TP53BP1: variants seen among roughly 807,000 people sequenced by gnomAD.
The protein encoded by TP53BP1 is tumor protein p53 binding protein 1, also known as TP53-binding protein 1.
Under a neutral mutation model 200.8 loss-of-function variants are expected in TP53BP1, and 61 were observed. That is an observed-to-expected ratio of 0.30 (90% CI 0.25 to 0.38). TP53BP1 has a LOEUF of 0.38. Among genes scored for constraint, TP53BP1 ranks in the 10% least tolerant of loss-of-function variants. The pLI is 1.00. For missense variants in TP53BP1, 2,144 were observed against 2,371.9 expected (o/e 0.90, Z 2.00); for synonymous variants, 822 against 844.3 (o/e 0.97, Z 0.46).
chr15:43,471,817 C>A (rs1282991263), intron 10 of TP53BP1, among the ~76,000 whole-genome samples: 1 of 152,146 alleles, frequency 6.6e-6, no homozygotes, highest in Non-Finnish European at 1.5e-5. Context: ...TAAGAATTAA[C>A]CAAACTTCAC....
At chr15:43,491,890 C>T in intron 3 of TP53BP1, 112 bp downstream of exon 3, 1 of 1,078,890 alleles carries the variant, frequency 9.3e-7, no homozygotes, top group Non-Finnish European at 1.4e-6. Context: ...GCAGATACCA[C>T]AGTAGGCTTC....
intron 16 of TP53BP1, among the ~76,000 whole-genome samples, chr15:43,433,380 C>T (rs1314114488): frequency 1.3e-5 from 2 of 152,148 alleles, no homozygotes; most frequent in Admixed American, 1.3e-4. Flanking sequence ...CTCCTACAAA[C>T]CACATACCAC....
chr15:43,408,771 C>G (rs1226464710), intron 26 of TP53BP1, 126 bp downstream of exon 26: 14 of 906,428 alleles, frequency 1.5e-5, no homozygotes, highest in Non-Finnish European at 2.2e-5. Context: ...CATTTCAAAC[C>G]CACTCAAATT....
rs35628556 is a variant in TP53BP1 at position 43,441,237 on chromosome 15, G to A, written c.3098+289C>T. ...CAATTGGATCAACAATCCTGAGATT[G>A]TGGAGACTCTTGTATCAGCAACAGA... On this transcript the variant is annotated intron_variant, in intron 15 of 27. Coordinates refer to ENST00000382044, the MANE Select transcript of TP53BP1 (RefSeq NM_001141980.3). 1,068 of 277,922 alleles carry A rather than the reference G, an allele frequency of 3.8e-3. 6 individuals are homozygous for A. Among genetic ancestry groups the A allele is most frequent in the Non-Finnish European group, 4.5e-3 (674 of 148,822 alleles). 17.2% of individuals were successfully genotyped at this position (277,922 alleles called of 1,614,324 possible).
At chr15:43,490,892 G>A (rs193182626) in intron 4 of TP53BP1, among the ~76,000 whole-genome samples, 8 of 152,142 alleles carry the variant, frequency 5.3e-5, no homozygotes, top group African/African-American at 9.6e-5. Flanking sequence ...TATGCCAAAC[G>A]TCCAATACAG....
At chr15:43,500,044 A>G (rs1256324064) in intron 1 of TP53BP1, among the ~76,000 whole-genome samples, 1 of 152,214 alleles carries the variant, frequency 6.6e-6, no homozygotes, top group Non-Finnish European at 1.5e-5. Flanking sequence ...TCATCCAGTC[A>G]CATTGCTATA....
At chr15:43,479,558 T>C in intron 6 of TP53BP1, 32 bp from the exon 7 acceptor site, 1 of 1,591,230 alleles carries the variant, frequency 6.3e-7, no homozygotes, top group Non-Finnish European at 8.5e-7. Context: ...AGGAAGGAGA[T>C]AATTAAGTTT....
At chr15:43,468,697 T>C (rs1382844867) in intron 11 of TP53BP1, among the ~76,000 whole-genome samples, 2 of 152,218 alleles carry the variant, frequency 1.3e-5, no homozygotes, top group African/African-American at 4.8e-5. Flanking sequence ...GCATTTTATA[T>C]ATATTAACTC....
intron 15 of TP53BP1, among the ~76,000 whole-genome samples, chr15:43,439,196 G>C (rs1197674353): frequency 6.6e-6 from 1 of 152,084 alleles, no homozygotes; most frequent in Admixed American, 6.6e-5. Flanking sequence ...TGAGAAATAA[G>C]GTGACAGCAA....
intron 15 of TP53BP1, among the ~76,000 whole-genome samples, chr15:43,440,112 T>C (rs1253306224): frequency 6.6e-6 from 1 of 152,218 alleles, no homozygotes; most frequent in Non-Finnish European, 1.5e-5. Context: ...CACAGGCCTC[T>C]TTTATTTGAT....
intron 16 of TP53BP1, 132 bp from the exon 17 acceptor site, chr15:43,432,809 A>C (rs1201782877): frequency 1.0e-6 from 1 of 973,178 alleles, no homozygotes; most frequent in African/African-American, 1.6e-5. Flanking sequence ...AAATGTAAGG[A>C]AGGGAGAAAG....
chr15:43,452,859 A>T (rs1306826689), intron 12 of TP53BP1, among the ~76,000 whole-genome samples: 1 of 152,224 alleles, frequency 6.6e-6, no homozygotes, highest in African/African-American at 2.4e-5. Context: ...TTAAAATAAT[A>T]GAATATCTCA....
chr15:43,505,070 C>T (rs2079229094), intron 1 of TP53BP1, among the ~76,000 whole-genome samples: 2 of 151,766 alleles, frequency 1.3e-5, no homozygotes, highest in South Asian at 2.1e-4. Context: ...AGGATATTTG[C>T]AGGAGGTAAT....
At position 43,447,486 on chromosome 15, in the gene TP53BP1, C is replaced by G; in HGVS notation, c.2717-1G>C. The G allele has an allele frequency of 1.1e-6, 1 of 891,822 alleles. No homozygotes were observed. Among genetic ancestry groups the G allele is most frequent in the Non-Finnish European group, 1.5e-6 (1 of 674,356 alleles). 55.2% of individuals were successfully genotyped at this position (891,822 alleles called of 1,614,324 possible). A position where few individuals can be genotyped will look rare whatever the true frequency, so the allele number is the denominator to read the frequency against. On this transcript the variant is annotated splice_acceptor_variant, in intron 12 of 27. Transcript: ENST00000382044. LOFTEE classifies it high-confidence loss of function. ...GGCAAAGTGAAATGAAATGGGGTTT[C>G]TGAAAAAAAAAAAAAAAAGAAAAAA...
chr15:43,441,796 G>A (rs471229), intron 14 of TP53BP1, among the ~76,000 whole-genome samples: 39,577 of 152,072 alleles, frequency 0.26, 8,288 homozygotes, highest in African/African-American at 0.58. Flanking sequence ...TATCACCCAA[G>A]CTGGAGGGCA....
At chr15:43,409,126 T>G (rs764830379) in intron 25 of TP53BP1, 30 bp from the exon 26 acceptor site, 37 of 1,608,482 alleles carry the variant, frequency 2.3e-5, no homozygotes, top group Non-Finnish European at 2.8e-5. Flanking sequence ...GCCAATGGGT[T>G]TGGTGACTTC....
Position 43,407,067 on chromosome 15 carries a change from C to A in TP53BP1, c.*316G>T, listed in dbSNP as rs45626239. The A allele has an allele frequency of 0.016, 4,382 of 270,582 alleles. 177 individuals carry two copies. Among genetic ancestry groups the A allele is most frequent in the African/African-American group, 0.09 (4,095 of 45,398 alleles). The allele number at this position is 270,582 out of a possible 1,614,324, so 16.8% of individuals were successfully genotyped here. A position where few individuals can be genotyped will look rare whatever the true frequency, so the allele number is the denominator to read the frequency against. On this transcript the variant is annotated 3_prime_UTR_variant, in exon 28 of 28. Transcript: ENST00000382044. The stretch of plus-strand genomic sequence containing the variant: ...GAATAACCTTTTGGGAATGATGCCA[C>A]AGAATAAAGTTCACTCTTAACTTTT...
intron 12 of TP53BP1, among the ~76,000 whole-genome samples, chr15:43,453,193 CAAAAAAAAAAAAAA>C (rs34555611): frequency 4.8e-5 from 2 of 41,428 alleles, no homozygotes; most frequent in African/African-American, 9.1e-5. Flanking sequence ...GACTCCGTCT[CAAAAAAAAAAAAAA>C]AAAAAAAAAA....
At chr15:43,485,841 G>A (rs996709579) in intron 4 of TP53BP1, among the ~76,000 whole-genome samples, 14 of 151,730 alleles carry the variant, frequency 9.2e-5, no homozygotes, top group African/African-American at 2.4e-4. Context: ...GCAAGACTCC[G>A]TTTCAAAAAA....
Sources: allele counts gnomAD v4.1 joint callset (sites outside exome capture counted in the v4.1 genomes callset), GRCh38; gene constraint gnomAD v4.1.1; transcripts MANE v1.5; gene names NCBI Gene and HGNC (gene_info 2026-07-23, HGNC 2026-07-21).